CD96: variants seen among roughly 807,000 people sequenced by gnomAD.
CD96 encodes CD96 molecule.
CD96 carries 70 observed loss-of-function variants against 71.3 expected under a neutral mutation model. The ratio of observed to expected loss-of-function variants is 0.98; its 90% CI spans 0.81 to 1.20. The LOEUF (loss-of-function observed/expected upper bound fraction) is 1.20. Ranked by LOEUF, CD96 falls within the 50% of genes most tolerant of loss-of-function variation. The pLI is 0.00. For synonymous variants in CD96, 248 were observed against 233.0 expected (o/e 1.06, Z -0.59); for missense variants, 742 against 677.5 (o/e 1.10, Z -1.06).
chr3:111,637,711 A>G (rs1401957027), intron 11 of CD96, among the ~76,000 whole-genome samples: 3 of 151,452 alleles, frequency 2.0e-5, no homozygotes, highest in South Asian at 4.2e-4. Context: ...ACGACCCCCA[A>G]CTCTGGCCTT....
chr3:111,548,717 C>T (rs10511298), intron 2 of CD96, among the ~76,000 whole-genome samples: 101,472 of 152,034 alleles, frequency 0.67, 34,147 homozygotes, highest in African/African-American at 0.75. Flanking sequence ...GCAGTGAATG[C>T]GGTTGGAGAA....
chr3:111,624,379 C>T lies in CD96; in HGVS notation c.1296C>T (p.Thr432=), dbSNP rs765983872. ...MTTRGFNYPW[T]SSGTDTKKSV... is the part of the protein sequence containing the mutation. ...CCCGAGGCTTCAACTATCCCTGGAC[C>T]TCCAGTGGGACAGATACCAAAAAAT... is the stretch of plus-strand genomic sequence containing the variant. The change falls in exon 10 of 14, where the codon ACC becomes ACT. Residue 432 remains threonine (T), a synonymous_variant. Coordinates refer to ENST00000352690, the MANE Select transcript of CD96 (RefSeq NM_005816.5). 2 of 1,610,598 alleles carry T rather than the reference C, an allele frequency of 1.2e-6. No individual in the cohort carries two copies. The highest frequency in any genetic ancestry group is 2.2e-5 in the East Asian group (1 of 44,854).
intron 3 of CD96, among the ~76,000 whole-genome samples, chr3:111,575,503 G>T (rs1936181997): frequency 6.6e-6 from 1 of 152,190 alleles, no homozygotes; most frequent in Non-Finnish European, 1.5e-5. Flanking sequence ...CATGGCCATT[G>T]TGTCCCCCAA....
At chr3:111,560,444 A>G (rs897923758) in intron 2 of CD96, among the ~76,000 whole-genome samples, 6 of 145,840 alleles carry the variant, frequency 4.1e-5, no homozygotes. Flanking sequence ...TCTGTAAAGT[A>G]TTTAATTTCT....
intron 12 of CD96, among the ~76,000 whole-genome samples, chr3:111,644,949 G>A (rs1040686308): frequency 2.0e-5 from 3 of 152,150 alleles, no homozygotes; most frequent in Non-Finnish European, 4.4e-5. Flanking sequence ...AGAAAACAGT[G>A]TGAAGATTCC....
chr3:111,648,595 T>G (rs1939941095), intron 13 of CD96, among the ~76,000 whole-genome samples: 1 of 152,210 alleles, frequency 6.6e-6, no homozygotes, highest in Admixed American at 6.5e-5. Flanking sequence ...GAAGTCTCCA[T>G]TAAAGCATCT....
At chr3:111,631,947 C>G (rs1283857374) in intron 10 of CD96, among the ~76,000 whole-genome samples, 2 of 152,066 alleles carry the variant, frequency 1.3e-5, no homozygotes, top group African/African-American at 2.4e-5. Context: ...TAAACTGGAC[C>G]CCTTCCTTAC....
intron 5 of CD96, among the ~76,000 whole-genome samples, chr3:111,589,844 T>C (rs1936893676): frequency 6.6e-6 from 1 of 152,212 alleles, no homozygotes; most frequent in South Asian, 2.1e-4. Context: ...AGCACAAGTG[T>C]CAAATTCTAA....
chr3:111,654,610 C>A (rs533422837), downstream of CD96, among the ~76,000 whole-genome samples: 172 of 152,320 alleles, frequency 1.1e-3, no homozygotes, highest in Non-Finnish European at 1.8e-3. Flanking sequence ...TGTTCAAAGA[C>A]TGTGGCATTG....
chr3:111,611,690 C>G (rs947906946), intron 8 of CD96, among the ~76,000 whole-genome samples: 1 of 152,132 alleles, frequency 6.6e-6, no homozygotes, highest in African/African-American at 2.4e-5. Flanking sequence ...AGTCTTCATG[C>G]AGGGTCTGGA....
chr3:111,551,153 T>C (rs1479415613), intron 2 of CD96, among the ~76,000 whole-genome samples: 1 of 152,164 alleles, frequency 6.6e-6, no homozygotes, highest in Non-Finnish European at 1.5e-5. Context: ...TGAAACTGGT[T>C]GCACAAACTG....
intron 2 of CD96, among the ~76,000 whole-genome samples, chr3:111,548,830 T>C (rs1934548917): frequency 6.6e-6 from 1 of 152,160 alleles, no homozygotes; most frequent in South Asian, 2.1e-4. Flanking sequence ...TAGTTTGTAT[T>C]GAGCCTGAAT....
chr3:111,646,183 T>A (rs1027672432), intron 12 of CD96, among the ~76,000 whole-genome samples: 1 of 151,940 alleles, frequency 6.6e-6, no homozygotes, highest in Non-Finnish European at 1.5e-5. Context: ...TTCACTGGAG[T>A]ATCATTAGCA....
chr3:111,638,700 C>G (rs186868096), intron 12 of CD96, among the ~76,000 whole-genome samples: 1 of 152,150 alleles, frequency 6.6e-6, no homozygotes, highest in Non-Finnish European at 1.5e-5. Flanking sequence ...AGTTCACAGG[C>G]ATAATCAACT....
At chr3:111,623,903 C>CTTTTCAATTCTTT (rs1938623658) in intron 9 of CD96, 81 bp downstream of exon 9, 2 of 929,820 alleles carry the variant, frequency 2.2e-6, no homozygotes, top group Non-Finnish European at 3.6e-6. Context: ...ATAATGTTGA[C>CTTTTCAATTCTTT]GTTTCAGCAA....
At position 111,637,187 on chromosome 3, in the gene CD96, T is replaced by C; in HGVS notation, c.1322-9T>C. 6.7e-7 allele frequency: 1 copy of C among 1,493,420 alleles called. No homozygotes were observed. Among genetic ancestry groups the C allele is most frequent in the Non-Finnish European group, 9.3e-7 (1 of 1,069,560 alleles). 92.5% of individuals were successfully genotyped at this position (1,493,420 alleles called of 1,614,324 possible). A position where few individuals can be genotyped will look rare whatever the true frequency, so the allele number is the denominator to read the frequency against. ...ATAGGTTAACTCTTCTGATATCTTC[T>C]TCCTTTAGCAGTTTCACGGATACCT... On this transcript the variant is annotated splice_polypyrimidine_tract_variant and intron_variant, in intron 10 of 13. Transcript: ENST00000352690.
At chr3:111,617,805 C>T (rs1357776096) in intron 8 of CD96, among the ~76,000 whole-genome samples, 2 of 152,224 alleles carry the variant, frequency 1.3e-5, no homozygotes, top group African/African-American at 4.8e-5. Context: ...CTGAAACACA[C>T]CTCCCACCTG....
intron 8 of CD96, 75 bp downstream of exon 8, chr3:111,606,867 T>G: frequency 1.1e-6 from 1 of 892,822 alleles, no homozygotes. Flanking sequence ...CAAACTTGCA[T>G]CATTCATGCC....
intron 2 of CD96, among the ~76,000 whole-genome samples, chr3:111,552,467 C>T (rs6437997): frequency 0.81 from 122,811 of 152,028 alleles, 49,821 homozygotes; most frequent in East Asian, 0.99. Flanking sequence ...ACAAATATGT[C>T]TTTTAATAAG....
Sources: allele counts gnomAD v4.1 joint callset (sites outside exome capture counted in the v4.1 genomes callset), GRCh38; gene constraint gnomAD v4.1.1; transcripts MANE v1.5; gene names NCBI Gene and HGNC (gene_info 2026-07-23, HGNC 2026-07-21).